Variants in BCOR observed in about 807,000 individuals in gnomAD.
BCOR encodes the protein BCL-6 corepressor.
Under a neutral mutation model 86.7 loss-of-function variants are expected in BCOR, and 10 were observed. The ratio of observed to expected loss-of-function variants is 0.12; its 90% CI spans 0.07 to 0.20. BCOR has a LOEUF of 0.20. Among genes scored for constraint, BCOR ranks in the 10% least tolerant of loss-of-function variants. BCOR has a pLI of 1.00. For synonymous variants in BCOR, 611 were observed against 609.0 expected, an observed-to-expected ratio of 1.00 and a Z score of -0.05; for missense variants, 1,259 against 1,452.1, an observed-to-expected ratio of 0.87 and a Z score of 2.16.
In BCOR at chrX:40,057,307, G is replaced by A. The variant is rs1555913852; in HGVS notation, c.4443C>T (p.Tyr1481=). 8.3e-7 allele frequency: 1 copy of A among 1,211,074 alleles called. No individual in the cohort carries two copies. The highest frequency in any genetic ancestry group is 1.1e-6 in the Non-Finnish European group (1 of 894,877). The change falls in exon 11 of 15, where the codon TAC becomes TAT. Residue 1481 remains tyrosine, a synonymous_variant. Coordinates refer to ENST00000378444, the MANE Select transcript of BCOR (RefSeq NM_001123385.2). ...ARLGYEEVVL[Y]CLENKICDVN... ...CATCACAAATCTTGTTCTCTAAGCA[G>A]TACAGGACCACTTCCTGTGGGGAGG...
At chrX:40,058,728 A>G (rs1205683989) in intron 10 of BCOR, among the ~76,000 whole-genome samples, 2 of 111,594 alleles carry the variant, frequency 1.8e-5, no homozygotes, top group Non-Finnish European at 3.8e-5. Flanking sequence ...GGGGAGGAAG[A>G]GAGAAGGCAT....
At chrX:40,166,082 G>A (rs932287472) in intron 1 of BCOR, among the ~76,000 whole-genome samples, 3 of 112,390 alleles carry the variant, frequency 2.7e-5, no homozygotes, top group African/African-American at 9.7e-5. Context: ...GGCTCAGATA[G>A]GCTACACAAC....
At chrX:40,079,065 G>A (rs747490748) in intron 1 of BCOR, among the ~76,000 whole-genome samples, 1 of 111,421 alleles carries the variant, frequency 9.0e-6, no homozygotes, top group South Asian at 3.8e-4. Flanking sequence ...GCCTGGGACC[G>A]ATGGCCCTCG....
rs762019351 is a variant in BCOR at position 40,072,985 on chromosome X, C to T, written c.2361G>A (p.Pro787=). 5.8e-6 allele frequency: 7 copies of T among 1,210,211 alleles called. No homozygotes were observed. Among genetic ancestry groups the T allele is most frequent in the East Asian group, 3.0e-5 (1 of 33,766 alleles). Reference sequence around the variant, plus strand: ...TCTTCCCTTGATTCCAGTTGGGGTTCGGCTTTAGGTTCTTGTCGGTGGGGA... The same window carrying T: ...TCTTCCCTTGATTCCAGTTGGGGTTTGGCTTTAGGTTCTTGTCGGTGGGGA... ...PDVPTDKNLK[P]NPNWNQGKTV... The change falls in exon 4 of 15, where the codon CCG becomes CCA. Residue 787 remains proline, a synonymous_variant. Transcript: ENST00000378444.
intron 1 of BCOR, among the ~76,000 whole-genome samples, chrX:40,122,922 C>G (rs369676811): frequency 9.0e-6 from 1 of 111,697 alleles, no homozygotes; most frequent in Non-Finnish European, 1.9e-5. Flanking sequence ...CCCACCACTG[C>G]CCCGGGCCTG....
rs1488816380 is a variant in BCOR at position 40,064,613 on chromosome X, G to A, written c.3239-14C>T. The A allele has an allele frequency of 1.2e-5, 15 of 1,210,285 alleles. No homozygotes were observed. Among genetic ancestry groups the A allele is most frequent in the Non-Finnish European group, 1.6e-5 (14 of 894,925 alleles). On this transcript the variant is annotated splice_polypyrimidine_tract_variant and intron_variant, in intron 6 of 14. Transcript: ENST00000378444. The stretch of plus-strand genomic sequence containing the variant: ...CACTATACTCGCCTGGGGGAGGGGA[G>A]ACAAGAGGGCATTAATGAAGCCCGA...
rs774767725 is a variant in BCOR at position 40,064,391 on chromosome X, C to T, written c.3447G>A (p.Ala1149=). 1.5e-5 allele frequency: 18 copies of T among 1,211,202 alleles called. No homozygotes were observed. Among genetic ancestry groups the T allele is most frequent in the Middle Eastern group, 2.3e-4 (1 of 4,376 alleles). Residue 1149 remains alanine (A), a synonymous_variant, in exon 7 of 15, where the codon GCG becomes GCA. Coordinates refer to ENST00000378444, the MANE Select transcript of BCOR (RefSeq NM_001123385.2). The part of the protein sequence containing the change: ...SGDSSHTETT[A]EEVPEDPLLK... ...GCAGAGGGTCCTCTGGCACCTCCTCCGCAGTGGTCTCAGTGTGGCTGCTGT... is the reference window on the plus strand; with the variant it reads ...GCAGAGGGTCCTCTGGCACCTCCTCTGCAGTGGTCTCAGTGTGGCTGCTGT...
At chrX:40,064,002 C>G (rs1272079264) in intron 7 of BCOR, 50 bp from the exon 8 acceptor site, 12 of 526,267 alleles carry the variant, frequency 2.3e-5, no homozygotes, top group Non-Finnish European at 3.5e-5. Flanking sequence ...CGGGGGGGAA[C>G]AAACTGTCTT....
rs1934291906 is a variant in BCOR at position 40,051,296 on chromosome X, T to G, written c.*813A>C. 5.9e-6 allele frequency: 1 copy of G among 168,788 alleles called. No homozygotes were observed. Among genetic ancestry groups the G allele is most frequent in the Non-Finnish European group, 1.1e-5 (1 of 87,229 alleles). The allele number at this position is 168,788 out of a possible 1,213,427, so 13.9% of individuals were successfully genotyped here. ...TTTTATTGCCTTTTAAGAAAATTTT[T>G]GTAAAATATAAATACAAAGGCAGAG... On this transcript the variant is annotated 3_prime_UTR_variant, in exon 15 of 15. Coordinates refer to ENST00000378444, the MANE Select transcript of BCOR (RefSeq NM_001123385.2).
chrX:40,175,498 G>C (rs1010057574), intron 1 of BCOR, among the ~76,000 whole-genome samples: 5 of 113,496 alleles, frequency 4.4e-5, no homozygotes, highest in African/African-American at 1.6e-4. Context: ...CACGAGAGGT[G>C]AAGGCCCACC....
intron 7 of BCOR, among the ~76,000 whole-genome samples, 156 bp downstream of exon 7, chrX:40,064,180 T>C (rs1745267371): frequency 9.0e-6 from 1 of 110,897 alleles, no homozygotes; most frequent in African/African-American, 3.3e-5. Flanking sequence ...AGTGTGGGAA[T>C]GGAGAGGTCC....
Position 40,124,048 on chromosome X carries a change from C to T in BCOR, c.-40-46079G>A, listed in dbSNP as rs775760480. The stretch of plus-strand genomic sequence containing the variant: ...CACCAGAGAAGCTGATAGGAGAAAC[C>T]TTCAGAATCCCCACTGGCCTCTTTG... On this transcript the variant is annotated intron_variant, in intron 1 of 14. Transcript: ENST00000342274. Among the ~76,000 whole-genome samples the T allele has an allele frequency of 6.3e-5, 7 of 111,173 alleles. No homozygotes were observed. In the East Asian group the frequency reaches 1.4e-3, roughly 23 times the overall value.
chrX:40,164,883 C>G (rs1366018486), intron 1 of BCOR, among the ~76,000 whole-genome samples: 1 of 112,452 alleles, frequency 8.9e-6, no homozygotes, highest in Non-Finnish European at 1.9e-5. Flanking sequence ...CTTCCATTCA[C>G]AAAGCTAGGA....
intron 6 of BCOR, among the ~76,000 whole-genome samples, chrX:40,065,834 C>A (rs946526622): frequency 9.1e-6 from 1 of 109,897 alleles, no homozygotes; most frequent in African/African-American, 3.3e-5. Context: ...ACGCCTCATC[C>A]GCTGATCTCA....
intron 6 of BCOR, among the ~76,000 whole-genome samples, chrX:40,064,865 G>C (rs1935123433): frequency 8.9e-6 from 1 of 111,898 alleles, no homozygotes; most frequent in Non-Finnish European, 1.9e-5. Flanking sequence ...CCTTCTTATG[G>C]TTGGGGGCAA....
At chrX:40,106,468 C>G (rs1387566013) in intron 1 of BCOR, among the ~76,000 whole-genome samples, 1 of 111,389 alleles carries the variant, frequency 9.0e-6, no homozygotes, top group Non-Finnish European at 1.9e-5. Context: ...CAGGCGGGAG[C>G]CGGCGGCCGA....
chrX:40,057,444 G>T (rs1934654284), intron 10 of BCOR, 123 bp from the exon 11 acceptor site: 2 of 717,557 alleles, frequency 2.8e-6, no homozygotes, highest in African/African-American at 4.3e-5. Flanking sequence ...CTCTCGGGCG[G>T]GCTGTGGATG....
At chrX:40,168,716 C>T (rs1938557068) in intron 1 of BCOR, among the ~76,000 whole-genome samples, 2 of 113,262 alleles carry the variant, frequency 1.8e-5, no homozygotes, top group South Asian at 3.5e-4. Context: ...CCCCGGCTGC[C>T]TTCCTGGACC....
At chrX:40,128,120 G>A (rs1463819962) in intron 1 of BCOR, among the ~76,000 whole-genome samples, 2 of 110,796 alleles carry the variant, frequency 1.8e-5, no homozygotes, top group African/African-American at 6.6e-5. Context: ...AGCTACTTGG[G>A]TGCCTGAGGC....
Sources: allele counts gnomAD v4.1 joint callset (sites outside exome capture counted in the v4.1 genomes callset), GRCh38; gene constraint gnomAD v4.1.1; transcripts MANE v1.5; gene names NCBI Gene and HGNC (gene_info 2026-07-23, HGNC 2026-07-21).